Variants in TEX9 observed in about 807,000 individuals in gnomAD.
TEX9 encodes testis expressed 9.
In TEX9, 74 loss-of-function variants were observed where a neutral mutation model predicts 59.6. The observed-to-expected ratio is 1.24, with a 90% CI of 1.03 to 1.51. The LOEUF is 1.51. Among genes scored for constraint, TEX9 ranks in the 40% most tolerant of loss-of-function variants. The pLI, the probability that TEX9 is intolerant of heterozygous loss-of-function variation, is 0.00. For synonymous variants in TEX9, 186 were observed against 152.2 expected (o/e 1.22, Z -1.64); for missense variants, 522 against 447.8 (o/e 1.17, Z -1.49).
At chr15:56,390,399 C>T (rs1263602317) in intron 6 of TEX9, among the ~76,000 whole-genome samples, 1 of 151,984 alleles carries the variant, frequency 6.6e-6, no homozygotes, top group African/African-American at 2.4e-5. Flanking sequence ...ATACCCCCTT[C>T]TCCATAATGT....
intron 9 of TEX9, chr15:56,395,179 C>T (rs1209887588): frequency 7.6e-6 from 2 of 262,916 alleles, no homozygotes; most frequent in Non-Finnish European, 1.4e-5. Context: ...TATTTTATGT[C>T]TCAATAAATT....
chr15:56,275,507 C>G (rs2044646908), intron 1 of TEX9, among the ~76,000 whole-genome samples: 1 of 152,164 alleles, frequency 6.6e-6, no homozygotes, highest in Non-Finnish European at 1.5e-5. Context: ...GGATTTTATA[C>G]TCTTATTTTA....
At chr15:56,297,181 C>G (rs1184994916) in intron 1 of TEX9, among the ~76,000 whole-genome samples, 2 of 152,092 alleles carry the variant, frequency 1.3e-5, no homozygotes, top group African/African-American at 4.8e-5. Context: ...TGGAATGTAC[C>G]TACCAAGTGC....
chr15:56,318,006 A>G (rs1270478927), intron 1 of TEX9, among the ~76,000 whole-genome samples: 3 of 152,120 alleles, frequency 2.0e-5, no homozygotes, highest in African/African-American at 4.8e-5. Context: ...TAGTTGGTTT[A>G]TAGCATTTTT....
chr15:56,303,446 T>A (rs56336805), intron 1 of TEX9, among the ~76,000 whole-genome samples: 55,685 of 151,896 alleles, frequency 0.37, 11,974 homozygotes, highest in Middle Eastern at 0.57. Context: ...TGCTCCTGAA[T>A]GATCAATGAA....
At chr15:56,431,483 C>T (rs148947749) in intron 12 of TEX9, 135 of 1,613,582 alleles carry the variant, frequency 8.4e-5, no homozygotes, top group Admixed American at 2.0e-4. Flanking sequence ...AACTGCCACT[C>T]TTCTAGTTCA....
At chr15:56,278,430 T>A (rs1197105509) in intron 1 of TEX9, among the ~76,000 whole-genome samples, 4 of 152,184 alleles carry the variant, frequency 2.6e-5, no homozygotes, top group African/African-American at 9.7e-5. Context: ...TAAATTACAG[T>A]GCACCACTGG....
At chr15:56,323,806 G>A (rs571753719) in intron 1 of TEX9, 1 of 214,984 alleles carries the variant, frequency 4.7e-6, no homozygotes, top group East Asian at 1.1e-4. Flanking sequence ...GAAAAAAGTA[G>A]TAGTAGTTGG....
chr15:56,443,727 C>CT (rs2050858421), intron 12 of TEX9: 2 of 1,613,102 alleles, frequency 1.2e-6, no homozygotes, highest in Admixed American at 1.7e-5. Flanking sequence ...TTAGCAAACT[C>CT]TATGATTTTT....
rs561183239 is a variant in TEX9, at chr15:56,251,604, G to A, written c.-107+7326G>A. Among the ~76,000 whole-genome samples the A allele has an allele frequency of 2.0e-5, 3 of 152,234 alleles. No homozygotes were observed. In the South Asian group the frequency reaches 6.2e-4, roughly 32 times the overall value. On this transcript the variant is annotated intron_variant, in intron 1 of 5. Coordinates refer to the TEX9 transcript ENST00000560827. The stretch of plus-strand genomic sequence containing the variant: ...GTAGCTGAAAGATACACAAGAGAAA[G>A]CTAACCTCAGAAACCATTAGACAAC...
intron 1 of TEX9, among the ~76,000 whole-genome samples, chr15:56,261,449 G>A (rs192288665): frequency 2.9e-4 from 44 of 151,936 alleles, no homozygotes; most frequent in Non-Finnish European, 5.2e-4. Flanking sequence ...CAGGCGCAGT[G>A]GCTCATGCCT....
rs795788 is a variant in TEX9, at chr15:56,429,143, C to T, written c.*29+670C>T. 3,018 of 1,602,922 alleles carry T rather than the reference C, an allele frequency of 1.9e-3. 48 individuals are homozygous for T. In the African/African-American group the frequency reaches 0.036, roughly 19 times the overall value. On this transcript the variant is annotated intron_variant, in intron 12 of 12. Transcript: ENST00000352903. ...TTTCACTCCTTTGTTGATATACTTT[C>T]CTGAACTCTTCACCAAGCAGATCAA...
At chr15:56,388,474 G>A (rs749813066) in exon 5 of TEX9, 2 of 1,610,652 alleles carry the variant, frequency 1.2e-6, no homozygotes, top group Non-Finnish European at 1.7e-6. Context: ...GCCTGTAGAG[G>A]TCTGTTACCA....
chr15:56,306,257 C>CAAAAAAAAAAAAAAAAAAAAAG, intron 1 of TEX9, among the ~76,000 whole-genome samples: 1 of 79,450 alleles, frequency 1.3e-5, no homozygotes, highest in Non-Finnish European at 2.3e-5. Context: ...AGGTACATAG[C>CAAAAAAAAAAAAAAAAAAAAAG]AAAAAAAAAA....
intron 1 of TEX9, among the ~76,000 whole-genome samples, chr15:56,342,106 C>T (rs968915688): frequency 6.6e-6 from 1 of 152,012 alleles, no homozygotes; most frequent in Non-Finnish European, 1.5e-5. Context: ...CATGACCATC[C>T]AACTAAGAAC....
At chr15:56,432,885 A>G (rs1411147145) in intron 12 of TEX9, among the ~76,000 whole-genome samples, 1 of 152,212 alleles carries the variant, frequency 6.6e-6, no homozygotes, top group Non-Finnish European at 1.5e-5. Context: ...AGTCTCACTT[A>G]GTCTTCCTCT....
At chr15:56,291,887 G>A (rs1432770109) in intron 1 of TEX9, among the ~76,000 whole-genome samples, 1 of 152,158 alleles carries the variant, frequency 6.6e-6, no homozygotes, top group Non-Finnish European at 1.5e-5. Context: ...GACCCACTTC[G>A]TGGCAAAGGA....
chr15:56,250,087 TC>T (rs2043979461), intron 1 of TEX9, among the ~76,000 whole-genome samples: 1 of 152,206 alleles, frequency 6.6e-6, no homozygotes, highest in African/African-American at 2.4e-5. Context: ...TTCCTTCTAC[TC>T]CAGCAGAATT....
intron 1 of TEX9, among the ~76,000 whole-genome samples, chr15:56,306,993 C>T (rs775722960): frequency 2.6e-5 from 4 of 152,156 alleles, no homozygotes; most frequent in Non-Finnish European, 5.9e-5. Flanking sequence ...TTTTTTCACT[C>T]ATATCCAGGG....
Sources: allele counts gnomAD v4.1 joint callset (sites outside exome capture counted in the v4.1 genomes callset), GRCh38; gene constraint gnomAD v4.1.1; transcripts MANE v1.5; gene names NCBI Gene and HGNC (gene_info 2026-07-23, HGNC 2026-07-21).